SLC30A5: variants seen among roughly 807,000 people sequenced by gnomAD.
SLC30A5 encodes the protein proton-coupled zinc antiporter SLC30A5.
Under a neutral mutation model 79.6 loss-of-function variants are expected in SLC30A5, and 33 were observed. That is an observed-to-expected ratio of 0.41 (90% CI 0.31 to 0.55). SLC30A5 has a LOEUF of 0.55. Among genes scored for constraint, SLC30A5 ranks in the 20% least tolerant of loss-of-function variants. SLC30A5 has a pLI of 0.20. For missense variants in SLC30A5, 788 were observed against 928.1 expected (o/e 0.85, Z 1.96); for synonymous variants, 299 against 319.7 (o/e 0.94, Z 0.69).
chr5:69,128,212 G>T, intron 15 of SLC30A5, 80 bp downstream of exon 15: 18 of 822,996 alleles, frequency 2.2e-5, no homozygotes, highest in Non-Finnish European at 3.1e-5. Context: ...ATATGGCTCA[G>T]TAGTCATTTA....
At chr5:69,108,312 A>C (rs778975904) in intron 4 of SLC30A5, 37 bp from the exon 5 acceptor site, 1 of 1,504,740 alleles carries the variant, frequency 6.6e-7, no homozygotes, top group South Asian at 1.1e-5. Context: ...ATAAAGATAA[A>C]TTACATTTCA....
Position 69,129,739 on chromosome 5 carries a change from G to A in SLC30A5, c.*122G>A. 1.3e-6 allele frequency: 1 copy of A among 746,364 alleles called. No individual in the cohort carries two copies. The highest frequency in any genetic ancestry group is 2.0e-6 in the Non-Finnish European group (1 of 501,666). 46.2% of individuals were successfully genotyped at this position (746,364 alleles called of 1,614,324 possible). A position where few individuals can be genotyped will look rare whatever the true frequency, so the allele number is the denominator to read the frequency against. On this transcript the variant is annotated 3_prime_UTR_variant, in exon 16 of 16. Coordinates refer to ENST00000396591, the MANE Select transcript of SLC30A5 (RefSeq NM_022902.5). The stretch of plus-strand genomic sequence containing the variant: ...TACAGAAACAGAGTTCCCTACTACT[G>A]GATCAAGGAATCTTTCTTGAAGGAA...
rs1216047226 is a variant in SLC30A5, at chr5:69,130,499, A to G, written c.*882A>G. The G allele has an allele frequency of 6.6e-6, 1 of 152,066 alleles. No homozygotes were observed. Among genetic ancestry groups the G allele is most frequent in the Non-Finnish European group, 1.5e-5 (1 of 67,996 alleles). 9.4% of individuals were successfully genotyped at this position (152,066 alleles called of 1,614,324 possible). Reference sequence around the variant, plus strand: ...TTAAGAGAATCGTAAATAATTGTCAACTCACAGTTGAATTCTCTGCCTATG... The same window carrying G: ...TTAAGAGAATCGTAAATAATTGTCAGCTCACAGTTGAATTCTCTGCCTATG... On this transcript the variant is annotated 3_prime_UTR_variant, in exon 16 of 16. Transcript: ENST00000396591.
chr5:69,117,976 C>A (rs879834659), intron 11 of SLC30A5, among the ~76,000 whole-genome samples: 1 of 150,778 alleles, frequency 6.6e-6, no homozygotes, highest in Non-Finnish European at 1.5e-5. Flanking sequence ...GAGATCGAGA[C>A]CATCCTGGCT....
chr5:69,122,970 T>G (rs1274355280), intron 13 of SLC30A5, among the ~76,000 whole-genome samples: 1 of 152,218 alleles, frequency 6.6e-6, no homozygotes, highest in Non-Finnish European at 1.5e-5. Context: ...CCAGACAAAG[T>G]ACACCATAAA....
chr5:69,101,974 AAC>A (rs1156558254), intron 2 of SLC30A5, among the ~76,000 whole-genome samples: 1 of 149,948 alleles, frequency 6.7e-6, no homozygotes, highest in Non-Finnish European at 1.5e-5. Flanking sequence ...AAACAAAAAC[AAC>A]ACTCTTCGAA....
chr5:69,113,248 A>C, intron 6 of SLC30A5, 21 bp downstream of exon 6: 1 of 1,591,858 alleles, frequency 6.3e-7, no homozygotes, highest in Non-Finnish European at 8.6e-7. Flanking sequence ...GGAATAGATC[A>C]GAGTTGTTTC....
chr5:69,118,985 T>G (rs164579), intron 12 of SLC30A5, among the ~76,000 whole-genome samples: 60,729 of 151,340 alleles, frequency 0.4, 12,384 homozygotes, highest in East Asian at 0.53. Context: ...ATATTTTGTA[T>G]AGATAGAGTT....
chr5:69,101,156 G>A (rs1260131383), intron 2 of SLC30A5, among the ~76,000 whole-genome samples: 1 of 152,106 alleles, frequency 6.6e-6, no homozygotes, highest in Non-Finnish European at 1.5e-5. Flanking sequence ...AAACTTTGAT[G>A]AGATTTTTGC....
chr5:69,118,635 C>T lies in SLC30A5; in HGVS notation c.1569+7C>T. The T allele has an allele frequency of 6.4e-7, 1 of 1,559,398 alleles. No individual in the cohort carries two copies. The highest frequency in any genetic ancestry group is 2.1e-5 in the Admixed American group (1 of 48,700). On this transcript the variant is annotated splice_region_variant and intron_variant, in intron 12 of 15. Transcript: ENST00000396591. ...AGACACTCACATGTTAACAGTAAGT[C>T]TTTTTATTTTCCTATTTGGATTTCT...
chr5:69,100,656 T>TGGTG (rs1745887055), intron 1 of SLC30A5, 151 bp from the exon 2 acceptor site: 2 of 526,096 alleles, frequency 3.8e-6, no homozygotes, highest in Non-Finnish European at 3.3e-6. Flanking sequence ...ATCACGTGGA[T>TGGTG]GGTGAGTTGT....
chr5:69,105,755 G>A (rs1343948576), intron 4 of SLC30A5, among the ~76,000 whole-genome samples: 1 of 152,222 alleles, frequency 6.6e-6, no homozygotes, highest in Non-Finnish European at 1.5e-5. Context: ...CCACAGAGCA[G>A]GAGGTGAGCC....
intron 13 of SLC30A5, among the ~76,000 whole-genome samples, chr5:69,122,192 T>G (rs527533604): frequency 1.3e-3 from 200 of 151,884 alleles, no homozygotes; most frequent in Non-Finnish European, 2.5e-3. Flanking sequence ...AGGACAGGAG[T>G]TCAAGACCAG....
intron 7 of SLC30A5, 23 bp downstream of exon 7, chr5:69,114,519 A>G (rs770096409): frequency 8.6e-6 from 12 of 1,394,430 alleles, no homozygotes; most frequent in Admixed American, 5.0e-5. Flanking sequence ...TGTTCCTAAC[A>G]GGATCAAAAG....
chr5:69,104,103 A>C, intron 3 of SLC30A5: 2 of 1,475,998 alleles, frequency 1.4e-6, no homozygotes, highest in East Asian at 2.4e-5. Context: ...GCAGACAAGA[A>C]TATAGATAAT....
At chr5:69,128,981 CTGTT>C (rs1016494954) in intron 15 of SLC30A5, among the ~76,000 whole-genome samples, 16 of 152,008 alleles carry the variant, frequency 1.1e-4, no homozygotes, top group South Asian at 2.1e-4. Flanking sequence ...ACTACTGTAA[CTGTT>C]TGTTTGTTTG....
chr5:69,099,316 C>G (rs972737035), intron 1 of SLC30A5, among the ~76,000 whole-genome samples: 3 of 152,218 alleles, frequency 2.0e-5, no homozygotes, highest in Non-Finnish European at 4.4e-5. Context: ...TCTGAATGCA[C>G]ACACACAGGT....
intron 14 of SLC30A5, among the ~76,000 whole-genome samples, chr5:69,123,940 C>T (rs963935922): frequency 3.3e-5 from 5 of 151,778 alleles, no homozygotes; most frequent in African/African-American, 4.8e-5. Context: ...GGTGAAACCC[C>T]GTCTCTACTA....
chr5:69,094,583 A>G (rs1006305467), intron 1 of SLC30A5, among the ~76,000 whole-genome samples: 2 of 152,086 alleles, frequency 1.3e-5, no homozygotes, highest in African/African-American at 4.8e-5. Flanking sequence ...GCAGACAGTC[A>G]GTCTTAGAAC....
Sources: allele counts gnomAD v4.1 joint callset (sites outside exome capture counted in the v4.1 genomes callset), GRCh38; gene constraint gnomAD v4.1.1; transcripts MANE v1.5; gene names NCBI Gene and HGNC (gene_info 2026-07-23, HGNC 2026-07-21).